Variants in DIP2B observed in about 807,000 individuals in gnomAD.
DIP2B encodes the protein disco-interacting protein 2 homolog B.
DIP2B carries 76 observed loss-of-function variants against 198.0 expected under a neutral mutation model. That is an observed-to-expected ratio of 0.38 (90% CI 0.32 to 0.46). The LOEUF is 0.46. Ranked by LOEUF, DIP2B falls within the 20% of genes least tolerant of loss-of-function variation. The pLI, the probability that DIP2B is intolerant of heterozygous loss-of-function variation, is 0.99. For missense variants in DIP2B, 1,559 were observed against 1,978.4 expected (o/e 0.79, Z 4.02); for synonymous variants, 701 against 739.1 (o/e 0.95, Z 0.84).
intron 2 of DIP2B, 64 bp downstream of exon 2, chr12:50,626,111 A>G (rs556135472): frequency 3.4e-5 from 51 of 1,518,666 alleles, no homozygotes; most frequent in Non-Finnish European, 3.7e-5. Flanking sequence ...CTGTCTTACA[A>G]GACCTCTATC....
chr12:50,513,449 A>T (rs540930115), intron 1 of DIP2B, among the ~76,000 whole-genome samples: 1 of 152,336 alleles, frequency 6.6e-6, no homozygotes, highest in South Asian at 2.1e-4. Context: ...GGTTTCTGAG[A>T]CTTAGCATCT....
Position 50,732,373 on chromosome 12 carries a change from G to A in DIP2B, c.3818G>A (p.Gly1273Glu), listed in dbSNP as rs200951852. 6.2e-7 allele frequency: 1 copy of A among 1,614,168 alleles called. No individual in the cohort carries two copies. ...GNQVEVLKTR[G>E]INLSCVRTCV... ...TATAATGGTGTCTTGCAGACCAGAG[G>A]GATCAACCTCTCCTGCGTCCGGACC... The change falls in exon 32 of 38, where the codon GGG becomes GAG. Residue 1273 changes from glycine to glutamate, a missense_variant. Physicochemically the swap from Gly to Glu is moderately conservative, Grantham distance 98. Coordinates refer to ENST00000301180, the MANE Select transcript of DIP2B (RefSeq NM_173602.3).
At chr12:50,670,018 A>G (rs950007419) in intron 4 of DIP2B, among the ~76,000 whole-genome samples, 1 of 152,188 alleles carries the variant, frequency 6.6e-6, no homozygotes, top group African/African-American at 2.4e-5. Flanking sequence ...TTTATCTCAC[A>G]TTAGACCAAA....
intron 3 of DIP2B, among the ~76,000 whole-genome samples, chr12:50,648,703 C>CT (rs111538456): frequency 0.27 from 40,181 of 149,722 alleles, 6,267 homozygotes; most frequent in Non-Finnish European, 0.35. Flanking sequence ...TTCTTCCCCC[C>CT]CCCCTCCTTA....
chr12:50,607,377 T>G (rs1271367752), intron 1 of DIP2B, among the ~76,000 whole-genome samples: 1 of 152,244 alleles, frequency 6.6e-6, no homozygotes, highest in Non-Finnish European at 1.5e-5. Context: ...ACCTAGATGT[T>G]TCTGACTTCC....
intron 14 of DIP2B, among the ~76,000 whole-genome samples, chr12:50,695,019 A>C (rs1288260512): frequency 6.6e-6 from 1 of 152,180 alleles, no homozygotes; most frequent in African/African-American, 2.4e-5. Flanking sequence ...AATGCATTGA[A>C]AAAAGATTGG....
chr12:50,548,415 GTA>G (rs1206133592), intron 1 of DIP2B, among the ~76,000 whole-genome samples: 1 of 152,128 alleles, frequency 6.6e-6, no homozygotes, highest in Admixed American at 6.6e-5. Context: ...GTGTATATGT[GTA>G]TATATACACA....
intron 1 of DIP2B, among the ~76,000 whole-genome samples, chr12:50,560,371 G>A (rs567567365): frequency 6.6e-6 from 1 of 151,172 alleles, no homozygotes; most frequent in Admixed American, 6.6e-5. Flanking sequence ...ATTCCAGCTT[G>A]GGCAACGGAG....
chr12:50,738,470 C>G (rs1305737329), intron 35 of DIP2B, among the ~76,000 whole-genome samples: 1 of 152,068 alleles, frequency 6.6e-6, no homozygotes, highest in African/African-American at 2.4e-5. Context: ...TAGCAAAGAC[C>G]CCATCTCTAC....
intron 1 of DIP2B, among the ~76,000 whole-genome samples, chr12:50,621,556 T>C (rs558197160): frequency 6.6e-6 from 1 of 152,306 alleles, no homozygotes; most frequent in East Asian, 1.9e-4. Flanking sequence ...AGGCTGTGGG[T>C]GGGCTACAGT....
At chr12:50,659,727 G>A (rs1938613065) in intron 3 of DIP2B, among the ~76,000 whole-genome samples, 1 of 152,038 alleles carries the variant, frequency 6.6e-6, no homozygotes, top group Non-Finnish European at 1.5e-5. Context: ...ATAGAACTGA[G>A]GGGTCTCAAC....
chr12:50,666,892 G>A (rs1468790131), intron 4 of DIP2B, among the ~76,000 whole-genome samples: 2 of 152,066 alleles, frequency 1.3e-5, no homozygotes, highest in Admixed American at 1.3e-4. Flanking sequence ...CATGGTGGCG[G>A]GCGCCTGTAG....
chr12:50,526,374 T>C (rs894823231), intron 1 of DIP2B, among the ~76,000 whole-genome samples: 1 of 152,210 alleles, frequency 6.6e-6, no homozygotes, highest in African/African-American at 2.4e-5. Flanking sequence ...ATATACCCTC[T>C]GATTTTTACA....
chr12:50,683,281 T>C, intron 10 of DIP2B, 33 bp downstream of exon 10: 1 of 1,552,268 alleles, frequency 6.4e-7, no homozygotes, highest in Non-Finnish European at 8.8e-7. Flanking sequence ...GAATGTAGCC[T>C]GATGTGACAT....
intron 1 of DIP2B, among the ~76,000 whole-genome samples, chr12:50,573,846 AT>A (rs1358572610): frequency 1.3e-5 from 2 of 152,216 alleles, no homozygotes; most frequent in Non-Finnish European, 2.9e-5. Context: ...TATTCAAATA[AT>A]TTGTCTTAGG....
At chr12:50,515,357 A>G (rs1164708162) in intron 1 of DIP2B, among the ~76,000 whole-genome samples, 3 of 151,920 alleles carry the variant, frequency 2.0e-5, no homozygotes, top group African/African-American at 7.3e-5. Flanking sequence ...CAGCCTCCCA[A>G]GTAGCTGGGA....
At chr12:50,635,233 GACTT>G (rs1365264719) in intron 2 of DIP2B, among the ~76,000 whole-genome samples, 4 of 152,080 alleles carry the variant, frequency 2.6e-5, no homozygotes, top group Non-Finnish European at 5.9e-5. Flanking sequence ...TTCATCCTGT[GACTT>G]ACTTCGTCTT....
intron 17 of DIP2B, among the ~76,000 whole-genome samples, chr12:50,697,895 CA>C (rs1465443888): frequency 6.6e-6 from 1 of 151,888 alleles, no homozygotes; most frequent in Non-Finnish European, 1.5e-5. Context: ...TACTACACTA[CA>C]TTTTTTTTAA....
intron 2 of DIP2B, among the ~76,000 whole-genome samples, chr12:50,635,883 CAACT>C: frequency 6.6e-6 from 1 of 152,196 alleles, no homozygotes; most frequent in East Asian, 1.9e-4. Context: ...TTTTTCCGAG[CAACT>C]ACTATTATTG....
Sources: gnomAD v4.1 joint callset for allele counts (sites outside exome capture counted in the v4.1 genomes callset) on GRCh38, gnomAD v4.1.1 for gene constraint, MANE v1.5 for transcripts, NCBI Gene and HGNC (gene_info 2026-07-23, HGNC 2026-07-21) for gene names.